Variants in HABP4 observed in about 807,000 individuals in gnomAD.
The protein encoded by HABP4 is intracellular hyaluronan-binding protein 4.
In HABP4, 32 loss-of-function variants were observed where a neutral mutation model predicts 44.1. The observed-to-expected ratio is 0.73, with a 90% CI of 0.55 to 0.97. The LOEUF (loss-of-function observed/expected upper bound fraction) is 0.97. Among genes scored for constraint, HABP4 ranks in the 50% least tolerant of loss-of-function variants. HABP4 has a pLI of 0.00. For missense variants in HABP4, 503 were observed against 561.9 expected (o/e 0.90, Z 1.06); for synonymous variants, 216 against 218.0 (o/e 0.99, Z 0.08).
rs1269570352 is a variant in HABP4, at chr9:96,490,575, TA to T, written c.*542del. On this transcript the variant is annotated 3_prime_UTR_variant, in exon 8 of 8. Coordinates refer to ENST00000375249, the MANE Select transcript of HABP4 (RefSeq NM_014282.4). Reference sequence around the variant, plus strand: ...TCTGGTTTTCACTTAACCAATCATTTAAAAATCGCTATTGTGTAGCCACTGG... The same window carrying T: ...TCTGGTTTTCACTTAACCAATCATTTAAAATCGCTATTGTGTAGCCACTGG... 2.6e-5 allele frequency: 4 copies of T among 152,526 alleles called. No individual in the cohort carries two copies. The highest frequency in any genetic ancestry group is 9.6e-5 in the African/African-American group (4 of 41,476). The allele number at this position is 152,526 out of a possible 1,614,324, so 9.4% of individuals were successfully genotyped here. A position where few individuals can be genotyped will look rare whatever the true frequency, so the allele number is the denominator to read the frequency against.
At position 96,450,396 on chromosome 9, in the gene HABP4, C is replaced by T. The variant is rs556833255; in HGVS notation, c.117C>T (p.Phe39=). The T allele has an allele frequency of 1.2e-5, 17 of 1,411,680 alleles. No homozygotes were observed. The highest frequency in any genetic ancestry group is 6.5e-5 in the East Asian group (2 of 30,736). 87.4% of individuals were successfully genotyped at this position (1,411,680 alleles called of 1,614,324 possible). A position where few individuals can be genotyped will look rare whatever the true frequency, so the allele number is the denominator to read the frequency against. Residue 39 remains phenylalanine, a synonymous_variant, in exon 1 of 8, where the codon TTC becomes TTT. Coordinates refer to ENST00000375249, the MANE Select transcript of HABP4 (RefSeq NM_014282.4). This position sits in a 1 kb window ranked among gnomAD's most constrained non-coding sequence, Gnocchi z 4.8. The stretch of plus-strand genomic sequence containing the variant: ...TGCTGGACGACGAGTCGGACCCGTT[C>T]GACATCCTGCGCGAGGCCGAGCGCC... The part of the protein sequence containing the change: ...HQLLDDESDP[F]DILREAERRR...
rs368509489 is a variant in HABP4, at chr9:96,467,665, A to G, written c.743+1887A>G. On this transcript the variant is annotated intron_variant, in intron 4 of 7. Transcript: ENST00000375249. ...CTTAGCTTTCCGAATAGCTGGGATT[A>G]CAGGTGCCCGCCACCACGCCTGGTT... Among the ~76,000 whole-genome samples the G allele has an allele frequency of 3.5e-4, 53 of 151,836 alleles. No homozygotes were observed. In the East Asian group the frequency reaches 3.5e-3, roughly 10 times the overall value.
intron 5 of HABP4, among the ~76,000 whole-genome samples, chr9:96,480,826 A>G (rs1342622881): frequency 6.6e-6 from 1 of 152,254 alleles, no homozygotes; most frequent in Non-Finnish European, 1.5e-5. Context: ...TGTCGAATAC[A>G]GAACATTACC....
At chr9:96,464,897 T>C (rs1832572164) in intron 2 of HABP4, among the ~76,000 whole-genome samples, 1 of 152,178 alleles carries the variant, frequency 6.6e-6, no homozygotes, top group African/African-American at 2.4e-5. Context: ...CATTCCAAAT[T>C]TAACTTAAAG....
In HABP4 at chr9:96,465,386, C is replaced by T. The variant is rs1832582684; in HGVS notation, c.562C>T (p.Pro188Ser). ...RDRPLRGRGG[P>S]RGGMRGRGRG... ...CAGACCGTTGAGAGGACGTGGAGGC[C>T]CGAGAGGGGGTATGCGCGGCAGAGG... Residue 188 changes from proline to serine, a missense_variant, in exon 3 of 8, where the codon CCG becomes TCG. Physicochemically the swap from Pro to Ser is moderately conservative, Grantham distance 74 (BLOSUM62 -1). Coordinates refer to ENST00000375249, the MANE Select transcript of HABP4 (RefSeq NM_014282.4). The T allele has an allele frequency of 6.2e-7, 1 of 1,609,698 alleles. No homozygotes were observed. The highest frequency in any genetic ancestry group is 8.5e-7 in the Non-Finnish European group (1 of 1,176,086).
chr9:96,452,181 C>G (rs897925015), intron 1 of HABP4, among the ~76,000 whole-genome samples: 1 of 145,354 alleles, frequency 6.9e-6, no homozygotes, highest in African/African-American at 2.6e-5. Context: ...GAGCCGAGAT[C>G]GAGCCACTGT....
intron 1 of HABP4, among the ~76,000 whole-genome samples, chr9:96,455,472 A>AG (rs985011373): frequency 6.8e-6 from 1 of 147,242 alleles, no homozygotes; most frequent in African/African-American, 2.6e-5. Flanking sequence ...AAAAAAAAAA[A>AG]AAAAAAAGTG....
intron 5 of HABP4, among the ~76,000 whole-genome samples, chr9:96,472,937 G>T (rs998118277): frequency 6.6e-6 from 1 of 152,092 alleles, no homozygotes; most frequent in Admixed American, 6.5e-5. Context: ...TGATTTCTTC[G>T]TAAACGTGCT....
chr9:96,489,307 G>A (rs1257515910), intron 7 of HABP4, among the ~76,000 whole-genome samples: 2 of 152,146 alleles, frequency 1.3e-5, no homozygotes, highest in Admixed American at 6.5e-5. Context: ...TCCAGGGAGT[G>A]TGTTGGGAAA....
At position 96,471,145 on chromosome 9, in the gene HABP4, AT is replaced by A. The variant is rs774334300; in HGVS notation, c.827+54del. The A allele has an allele frequency of 3.2e-6, 3 of 947,568 alleles. No homozygotes were observed. In the South Asian group the frequency reaches 4.1e-5, roughly 13 times the overall value. 58.7% of individuals were successfully genotyped at this position (947,568 alleles called of 1,614,324 possible). A position where few individuals can be genotyped will look rare whatever the true frequency, so the allele number is the denominator to read the frequency against. On this transcript the variant is annotated intron_variant, in intron 5 of 7. Transcript: ENST00000375249. ...TGTGGTGTTGGTTCTCTTCTTAATG[AT>A]TTCTTTTTTTTTTTTGAGATGGAAC...
chr9:96,471,889 C>G (rs759607679), intron 5 of HABP4, among the ~76,000 whole-genome samples: 27 of 152,142 alleles, frequency 1.8e-4, no homozygotes, highest in Non-Finnish European at 2.8e-4. Context: ...CTCCCAGATT[C>G]AAGCAATTCT....
In HABP4 at chr9:96,472,942, C is replaced by T. The variant is rs1051921579; in HGVS notation, c.827+1848C>T. On this transcript the variant is annotated intron_variant, in intron 5 of 7. Coordinates refer to ENST00000375249, the MANE Select transcript of HABP4 (RefSeq NM_014282.4). ...TTGACTTTATTGATTTCTTCGTAAACGTGCTCTCCTGTTGGTTTCTGTGAT... is the reference window on the plus strand; with the variant it reads ...TTGACTTTATTGATTTCTTCGTAAATGTGCTCTCCTGTTGGTTTCTGTGAT... Among the ~76,000 whole-genome samples the T allele has an allele frequency of 4.6e-5, 7 of 152,324 alleles. No individual in the cohort carries two copies. In the East Asian group the frequency reaches 7.7e-4, roughly 17 times the overall value.
chr9:96,487,947 G>A (rs1833003729), intron 6 of HABP4, 142 bp from the exon 7 acceptor site: 1 of 656,708 alleles, frequency 1.5e-6, no homozygotes, highest in South Asian at 1.9e-5. Flanking sequence ...GCAGCCCAGG[G>A]CCAGAGACAA....
chr9:96,473,132 C>T (rs936707088), intron 5 of HABP4, among the ~76,000 whole-genome samples: 3 of 152,146 alleles, frequency 2.0e-5, no homozygotes, highest in East Asian at 1.9e-4. Context: ...CTTAAATTGT[C>T]GTTTACACAC....
At chr9:96,456,780 AATATATATATATATATATATATATATAT>A (rs71368267) in intron 1 of HABP4, among the ~76,000 whole-genome samples, 2 of 44,772 alleles carry the variant, frequency 4.5e-5, no homozygotes, top group South Asian at 9.8e-4. Flanking sequence ...AAAAAAAAAA[AATATATATATATATATATATATATATAT>A]ATATATATAT....
chr9:96,456,609 A>G (rs1295555582), intron 1 of HABP4, among the ~76,000 whole-genome samples: 2 of 151,074 alleles, frequency 1.3e-5, no homozygotes, highest in Admixed American at 6.6e-5. Context: ...AAATACAAAA[A>G]ATTAGCTGGG....
rs1213138095 is a variant in HABP4 at position 96,458,450 on chromosome 9, G to A, written c.421G>A (p.Glu141Lys). 5.6e-6 allele frequency: 9 copies of A among 1,613,376 alleles called. No homozygotes were observed. The highest frequency in any genetic ancestry group is 2.7e-5 in the African/African-American group (2 of 74,894). ...NDSRGPEGML[E>K]RAERRSYREY... ...CAGCCGTGGGCCGGAGGGGATGCTC[G>A]AAAGAGCTGAGCGGAGATCCTACAG... Residue 141 changes from glutamate to lysine, a missense_variant, in exon 2 of 8, where the codon GAA becomes AAA. By Grantham distance (56) the Glu-to-Lys change is moderately conservative. Transcript: ENST00000375249.
At position 96,450,601 on chromosome 9, in the gene HABP4, A is replaced by G; in HGVS notation, c.322A>G (p.Ser108Gly). 1 of 1,283,056 alleles carries G rather than the reference A, an allele frequency of 7.8e-7. No homozygotes were observed. Among genetic ancestry groups the G allele is most frequent in the Non-Finnish European group, 9.9e-7 (1 of 1,015,172 alleles). 79.5% of individuals were successfully genotyped at this position (1,283,056 alleles called of 1,614,324 possible). A position where few individuals can be genotyped will look rare whatever the true frequency, so the allele number is the denominator to read the frequency against. The change falls in exon 1 of 8, where the codon AGC becomes GGC. Residue 108 changes from serine to glycine, a missense_variant. Physicochemically the swap from Ser to Gly is moderately conservative, Grantham distance 56 (BLOSUM62 0). Coordinates refer to ENST00000375249, the MANE Select transcript of HABP4 (RefSeq NM_014282.4). This position sits in a 1 kb window ranked among gnomAD's most constrained non-coding sequence, Gnocchi z 4.8. The part of the protein sequence containing the change: ...LPAPVAQRPD[S>G]PGGGLQAPGQ... Reference sequence around the variant, plus strand: ...GGCGCCCGTCGCTCAGCGGCCCGATAGCCCCGGGGGCGGCCTGCAGGCGCC... The same window carrying G: ...GGCGCCCGTCGCTCAGCGGCCCGATGGCCCCGGGGGCGGCCTGCAGGCGCC...
chr9:96,482,977 ATG>A (rs1353127660), intron 5 of HABP4: 1 of 152,134 alleles, frequency 6.6e-6, no homozygotes, highest in African/African-American at 2.4e-5. Flanking sequence ...TTTCATGTGG[ATG>A]TGTGTTTTCA....
Sources: gnomAD v4.1 joint callset for allele counts (sites outside exome capture counted in the v4.1 genomes callset) on GRCh38, gnomAD v4.1.1 for gene constraint, Gnocchi (gnomAD v3.1) non-coding constraint, MANE v1.5 for transcripts, NCBI Gene and HGNC (gene_info 2026-07-23, HGNC 2026-07-21) for gene names.